SLC12A7: variants seen among roughly 807,000 people sequenced by gnomAD.
SLC12A7 encodes the protein solute carrier family 12 member 7, also known as K-Cl cotransporter 4.
SLC12A7 carries 100 observed loss-of-function variants against 120.6 expected under a neutral mutation model. The ratio of observed to expected loss-of-function variants is 0.83; its 90% CI spans 0.71 to 0.98. The LOEUF is 0.98. Ranked by LOEUF, SLC12A7 falls within the 50% of genes least tolerant of loss-of-function variation. The pLI is 0.00. For synonymous variants in SLC12A7, 760 were observed against 678.0 expected, an observed-to-expected ratio of 1.12 and a Z score of -1.88; for missense variants, 1,373 against 1,548.1, an observed-to-expected ratio of 0.89 and a Z score of 1.90.
the SLC12A7 span, among the ~76,000 whole-genome samples, chr5:1,145,253 A>G: frequency 1.3e-5 from 2 of 152,274 alleles, no homozygotes; most frequent in Non-Finnish European, 2.9e-5. This position sits in a 1 kb window ranked among gnomAD's most constrained non-coding sequence, Gnocchi z 4.4. Flanking sequence ...CTGGAAGACC[A>G]GCGAGGGCTC....
chr5:1,107,563 T>C (rs1311598201), intron 1 of SLC12A7, among the ~76,000 whole-genome samples: 2 of 152,112 alleles, frequency 1.3e-5, no homozygotes, highest in East Asian at 3.9e-4. Flanking sequence ...CATTCACCGA[T>C]CCCCAGCAAA....
intron 1 of SLC12A7, among the ~76,000 whole-genome samples, chr5:1,102,289 T>C (rs1232278693): frequency 6.6e-6 from 1 of 152,188 alleles, no homozygotes; most frequent in Non-Finnish European, 1.5e-5. Flanking sequence ...AGTGCGTTCA[T>C]GGGTAGTTTC....
Position 1,111,872 on chromosome 5 carries a change from G to A in SLC12A7, c.120C>T (p.Ser40=), listed in dbSNP as rs1462583009. 6 of 1,217,970 alleles carry A rather than the reference G, an allele frequency of 4.9e-6. No individual in the cohort carries two copies. The highest frequency in any genetic ancestry group is 6.1e-6 in the Non-Finnish European group (6 of 978,312). 75.4% of individuals were successfully genotyped at this position (1,217,970 alleles called of 1,614,324 possible). The change falls in exon 1 of 24, where the codon AGC becomes AGT. Residue 40 remains serine, a synonymous_variant. Transcript: ENST00000264930. ...GCCAGGTGCGGCCGCGCTCACCCGG[G>A]CTGGGGCGCTCGGGCTCGGGGCCCT... The part of the protein sequence containing the change: ...TPEGPEPERP[S]PGDGNPRENS...
chr5:1,138,143 G>C, the SLC12A7 span, among the ~76,000 whole-genome samples: 1 of 152,180 alleles, frequency 6.6e-6, no homozygotes, highest in African/African-American at 2.4e-5. Context: ...CTTAAACGTG[G>C]CACGGACCCA....
At chr5:1,147,063 C>T in the SLC12A7 span, among the ~76,000 whole-genome samples, 3 of 152,314 alleles carry the variant, frequency 2.0e-5, no homozygotes, top group African/African-American at 7.2e-5. Flanking sequence ...TGTCCTCAGC[C>T]TCCATCCATG....
intron 20 of SLC12A7, among the ~76,000 whole-genome samples, chr5:1,061,286 GTGCAGGATCCCTGAGTCT>G: frequency 1.6e-4 from 2 of 12,316 alleles, no homozygotes; most frequent in African/African-American, 1.7e-4. Flanking sequence ...CGCACCTGCC[GTGCAGGATCCCTGAGTCT>G]CACCCGCCGC....
upstream of SLC12A7, among the ~76,000 whole-genome samples, chr5:1,114,554 T>C (rs1743240340): frequency 6.6e-6 from 1 of 152,154 alleles, no homozygotes; most frequent in Non-Finnish European, 1.5e-5. Flanking sequence ...GTTGTGTGAC[T>C]TTCAGTGCTC....
chr5:1,098,143 A>T (rs1160552408), intron 1 of SLC12A7, among the ~76,000 whole-genome samples: 1 of 12,820 alleles, frequency 7.8e-5, no homozygotes, highest in Non-Finnish European at 1.3e-4. Context: ...CCCAGCCCCC[A>T]CAACCCTCTG....
chr5:1,147,508 G>A, the SLC12A7 span, among the ~76,000 whole-genome samples: 1 of 151,998 alleles, frequency 6.6e-6, no homozygotes, highest in Non-Finnish European at 1.5e-5. Flanking sequence ...GCCTCCTGGA[G>A]GCTTCTACGT....
intron 3 of SLC12A7, among the ~76,000 whole-genome samples, chr5:1,093,268 C>T (rs983547776): frequency 6.6e-6 from 1 of 152,196 alleles, no homozygotes; most frequent in African/African-American, 2.4e-5. Flanking sequence ...GAACAAAACA[C>T]CCCAAGTTCA....
At chr5:1,096,034 C>T (rs1177246359) in intron 1 of SLC12A7, among the ~76,000 whole-genome samples, 10 of 152,180 alleles carry the variant, frequency 6.6e-5, no homozygotes, top group Non-Finnish European at 1.0e-4. Flanking sequence ...GTCAAATGCA[C>T]GCACAACCTC....
At chr5:1,064,823 C>T (rs371211249) in intron 18 of SLC12A7, among the ~76,000 whole-genome samples, 1 of 125,308 alleles carries the variant, frequency 8.0e-6, no homozygotes, top group Non-Finnish European at 1.7e-5. Context: ...AGTGAGGGAA[C>T]GGCGAGGGGA....
At chr5:1,102,485 C>A (rs1319132881) in intron 1 of SLC12A7, among the ~76,000 whole-genome samples, 2 of 152,216 alleles carry the variant, frequency 1.3e-5, no homozygotes. Context: ...GGAACGTCCT[C>A]TTAGACTCAG....
rs753114874 is a variant in SLC12A7, at chr5:1,077,937, T to C, written c.1525A>G (p.Ile509Val). ...CCGCAGGTGGAGAAGAAGGAGCCGA[T>C]GACGATGACCCAGGGGGAGGGCCAG... ...LAWPSPWVIV[I>V]GSFFSTCGAG... Residue 509 changes from isoleucine to valine, a missense_variant, in exon 12 of 24, where the codon ATC becomes GTC. Transcript: ENST00000264930. 3 of 1,601,720 alleles carry C rather than the reference T, an allele frequency of 1.9e-6. No individual in the cohort carries two copies. The highest frequency in any genetic ancestry group is 2.7e-5 in the African/African-American group (2 of 74,580).
chr5:1,106,477 A>G (rs974542578), intron 1 of SLC12A7, among the ~76,000 whole-genome samples: 62 of 151,764 alleles, frequency 4.1e-4, no homozygotes, highest in Non-Finnish European at 7.7e-4. Flanking sequence ...AAAAAAAAGA[A>G]AATTCATATT....
At position 1,085,106 on chromosome 5, in the gene SLC12A7, G is replaced by A. The variant is rs574344002; in HGVS notation, c.917+126C>T. ...ACGAGCCCACGGGGGTTCCCGCCAC[G>A]GTCACACCCAGCCCACCCCTTGCGG... is the stretch of plus-strand genomic sequence containing the variant. On this transcript the variant is annotated intron_variant, in intron 7 of 23. Coordinates refer to ENST00000264930, the MANE Select transcript of SLC12A7 (RefSeq NM_006598.3). 271 of 1,350,916 alleles carry A rather than the reference G, an allele frequency of 2.0e-4. 1 individual carries two copies. The South Asian group carries it at 3.5e-3, about 18-fold the overall frequency. The allele number at this position is 1,350,916 out of a possible 1,614,324, so 83.7% of individuals were successfully genotyped here.
intron 1 of SLC12A7, among the ~76,000 whole-genome samples, chr5:1,109,453 T>C (rs4565255): frequency 0.5 from 75,230 of 151,972 alleles, 19,923 homozygotes; most frequent in Non-Finnish European, 0.6. Context: ...CAAGACGAGG[T>C]ATTTCACATA....
At chr5:1,118,404 T>C in the SLC12A7 span, among the ~76,000 whole-genome samples, 1 of 152,224 alleles carries the variant, frequency 6.6e-6, no homozygotes, top group Non-Finnish European at 1.5e-5. Flanking sequence ...GGGAAACGTT[T>C]CAGTGCAATC....
chr5:1,064,949 AAGAGATGGTGAGG>A, intron 18 of SLC12A7, among the ~76,000 whole-genome samples: 1 of 133,806 alleles, frequency 7.5e-6, no homozygotes, highest in Non-Finnish European at 1.6e-5. Flanking sequence ...GGGGACGGCG[AAGAGATGGTGAGG>A]GGACGGTTAG....
Sources: allele counts gnomAD v4.1 joint callset (sites outside exome capture counted in the v4.1 genomes callset), GRCh38; gene constraint gnomAD v4.1.1; non-coding constraint Gnocchi (gnomAD v3.1); transcripts MANE v1.5; gene names NCBI Gene and HGNC (gene_info 2026-07-23, HGNC 2026-07-21).